Variants in AGBL1 observed in about 807,000 individuals in gnomAD.
AGBL1 encodes AGBL carboxypeptidase 1.
Under a neutral mutation model 118.9 loss-of-function variants are expected in AGBL1, and 130 were observed. The ratio of observed to expected loss-of-function variants is 1.09; its 90% CI spans 0.95 to 1.26. The LOEUF is 1.26. Among genes scored for constraint, AGBL1 ranks in the 50% most tolerant of loss-of-function variants. The pLI is 0.00. For synonymous variants in AGBL1, 555 were observed against 478.9 expected, an observed-to-expected ratio of 1.16 and a Z score of -2.08; for missense variants, 1,584 against 1,298.1, an observed-to-expected ratio of 1.22 and a Z score of -3.38.
chr15:87,007,220 C>A (rs980522175), intron 24 of AGBL1, among the ~76,000 whole-genome samples: 2 of 151,920 alleles, frequency 1.3e-5, no homozygotes, highest in Non-Finnish European at 2.9e-5. Flanking sequence ...GCATCAAGAC[C>A]AGGTTCTTAC....
At chr15:86,423,103 C>G (rs1175234739) in intron 18 of AGBL1, among the ~76,000 whole-genome samples, 1 of 152,190 alleles carries the variant, frequency 6.6e-6, no homozygotes, top group Non-Finnish European at 1.5e-5. Context: ...CAGCATCATC[C>G]TGATACCAAA....
At chr15:86,868,015 A>G (rs2079657742) in intron 22 of AGBL1, among the ~76,000 whole-genome samples, 2 of 152,202 alleles carry the variant, frequency 1.3e-5, no homozygotes. Flanking sequence ...TATTGGGGCC[A>G]TGATCCAAGA....
At chr15:86,759,241 C>T (rs1006317397) in intron 22 of AGBL1, among the ~76,000 whole-genome samples, 4 of 152,004 alleles carry the variant, frequency 2.6e-5, no homozygotes, top group African/African-American at 9.7e-5. Flanking sequence ...TAAATGTTAA[C>T]AGAGAAAGCA....
chr15:86,642,287 T>C (rs764100008), intron 21 of AGBL1, among the ~76,000 whole-genome samples: 76 of 152,210 alleles, frequency 5.0e-4, no homozygotes, highest in Non-Finnish European at 9.0e-4. Context: ...AAGTGAAATA[T>C]ATCTTTTACT....
chr15:86,772,930 A>G (rs2078202473), intron 22 of AGBL1, among the ~76,000 whole-genome samples: 1 of 151,992 alleles, frequency 6.6e-6, no homozygotes, highest in Admixed American at 6.6e-5. Flanking sequence ...GAGGAAATGG[A>G]GATAAGTTAT....
At chr15:86,851,189 C>A (rs1450490147) in intron 22 of AGBL1, among the ~76,000 whole-genome samples, 1 of 152,032 alleles carries the variant, frequency 6.6e-6, no homozygotes. Flanking sequence ...GGAAAGAGGG[C>A]AAGAAGTGGA....
chr15:86,917,201 C>T (rs932777222), downstream of AGBL1, among the ~76,000 whole-genome samples: 17 of 152,204 alleles, frequency 1.1e-4, no homozygotes, highest in East Asian at 1.9e-4. This position sits in a 1 kb window ranked among gnomAD's most constrained non-coding sequence, Gnocchi z 4.8. Flanking sequence ...CTCTCAGGCT[C>T]GTTTCCTCCC....
At chr15:86,460,785 C>G (rs1487442743) in intron 18 of AGBL1, among the ~76,000 whole-genome samples, 1 of 152,190 alleles carries the variant, frequency 6.6e-6, no homozygotes, top group African/African-American at 2.4e-5. Flanking sequence ...TCCTTTAGTG[C>G]TGGTTCTGTG....
At chr15:86,197,225 T>G (rs1325719182) in intron 5 of AGBL1, among the ~76,000 whole-genome samples, 4 of 152,132 alleles carry the variant, frequency 2.6e-5, no homozygotes, top group African/African-American at 4.8e-5. Context: ...ACGCCTAGGT[T>G]GCTGTGAAGG....
intron 21 of AGBL1, among the ~76,000 whole-genome samples, chr15:86,610,837 G>A (rs567898342): frequency 1.6e-4 from 24 of 152,048 alleles, no homozygotes; most frequent in African/African-American, 5.8e-4. Context: ...CTTTCATAAA[G>A]TATTTGTAGA....
intron 17 of AGBL1, among the ~76,000 whole-genome samples, chr15:86,320,513 A>C (rs1323131340): frequency 6.6e-6 from 1 of 152,074 alleles, no homozygotes; most frequent in East Asian, 1.9e-4. Flanking sequence ...AAAACTTTAG[A>C]ATTTTTTATG....
chr15:87,018,391 G>A (rs1481307993), intron 24 of AGBL1, among the ~76,000 whole-genome samples: 2 of 152,092 alleles, frequency 1.3e-5, no homozygotes, highest in African/African-American at 4.8e-5. Context: ...ACAAAGGGAA[G>A]CCCATCAGAC....
intron 22 of AGBL1, among the ~76,000 whole-genome samples, chr15:86,745,831 C>A (rs529389745): frequency 6.6e-6 from 1 of 152,128 alleles, no homozygotes; most frequent in Admixed American, 6.5e-5. Flanking sequence ...TCCCATGACA[C>A]CTGGAGAACC....
chr15:86,108,446 G>C (rs1195469528), intron 1 of AGBL1, among the ~76,000 whole-genome samples: 1 of 152,204 alleles, frequency 6.6e-6, no homozygotes, highest in African/African-American at 2.4e-5. Context: ...GAATAATTTA[G>C]TATGCCAGAA....
At chr15:86,427,139 C>A (rs1567252321) in intron 18 of AGBL1, among the ~76,000 whole-genome samples, 1 of 152,160 alleles carries the variant, frequency 6.6e-6, no homozygotes, top group Non-Finnish European at 1.5e-5. Context: ...TCTTTGTCAC[C>A]AAATGACTTT....
At chr15:86,193,962 T>G (rs1462916742) in intron 5 of AGBL1, among the ~76,000 whole-genome samples, 20 of 152,220 alleles carry the variant, frequency 1.3e-4, no homozygotes, top group Admixed American at 1.3e-3. Context: ...TTCTGAGTCC[T>G]GTCTCTGAAA....
intron 21 of AGBL1, among the ~76,000 whole-genome samples, chr15:86,562,643 T>C (rs1278438997): frequency 4.6e-5 from 7 of 152,224 alleles, no homozygotes; most frequent in South Asian, 4.1e-4. Context: ...GGTAGCAGGA[T>C]GATGCTGGCC....
chr15:86,588,029 A>G (rs1358864417), intron 21 of AGBL1, among the ~76,000 whole-genome samples: 1 of 152,114 alleles, frequency 6.6e-6, no homozygotes, highest in Non-Finnish European at 1.5e-5. Flanking sequence ...TAACTAACAT[A>G]TCTGCTGGCA....
rs542995181 is a variant in AGBL1 at position 86,632,489 on chromosome 15, C to T, written c.2995-41784C>T. On this transcript the variant is annotated intron_variant, in intron 21 of 22. Transcript: ENST00000614907. Reference sequence around the variant, plus strand: ...CATGTCCATTTGAATTACGTAGTTGCAACTCATGAGAAAGGAGGGGAGTTT... The same window carrying T: ...CATGTCCATTTGAATTACGTAGTTGTAACTCATGAGAAAGGAGGGGAGTTT... 1.1e-4 allele frequency among the ~76,000 whole-genome samples: 16 copies of T among 152,130 alleles called. No homozygotes were observed. In the South Asian group the frequency reaches 3.3e-3, roughly 32 times the overall value.
Sources: gnomAD v4.1 joint callset for allele counts (sites outside exome capture counted in the v4.1 genomes callset) on GRCh38, gnomAD v4.1.1 for gene constraint, Gnocchi (gnomAD v3.1) non-coding constraint, MANE v1.5 for transcripts, NCBI Gene and HGNC (gene_info 2026-07-23, HGNC 2026-07-21) for gene names.